The following SUCLG1 variants were observed in gnomAD, a reference collection of about 807,000 sequenced individuals.
SUCLG1 encodes succinate--CoA ligase [ADP/GDP-forming] subunit alpha, mitochondrial.
Under a neutral mutation model 37.3 loss-of-function variants are expected in SUCLG1, and 26 were observed. That is an observed-to-expected ratio of 0.70 (90% CI 0.51 to 0.97). SUCLG1 has a LOEUF of 0.97. Among genes scored for constraint, SUCLG1 ranks in the 50% least tolerant of loss-of-function variants. The probability of loss-of-function intolerance (pLI) is 0.00; values close to 1 mark genes in which losing one functional copy is unlikely to be tolerated. For missense variants in SUCLG1, 433 were observed against 432.9 expected, an observed-to-expected ratio of 1.00 and a Z score of 0.00; for synonymous variants, 163 against 155.6, an observed-to-expected ratio of 1.05 and a Z score of -0.36.
chr2:84,454,566 G>C (rs1488721800), intron 1 of SUCLG1, among the ~76,000 whole-genome samples: 1 of 152,180 alleles, frequency 6.6e-6, no homozygotes, highest in Non-Finnish European at 1.5e-5. Context: ...AACAAGACAG[G>C]CTCAGGCCCT....
rs1573374907 is a variant in SUCLG1 at position 84,449,721 on chromosome 2, G to A, written c.129C>T (p.Tyr43=). The A allele has an allele frequency of 1.3e-6, 2 of 1,555,352 alleles. No individual in the cohort carries two copies. Residue 43 remains tyrosine, a synonymous_variant, in exon 2 of 9, where the codon TAC becomes TAT. Transcript: ENST00000393868. The part of the protein sequence containing the change: ...LPQNGIRHCS[Y]TASRQHLYVD... ...CATAGAGATGTTGCCGAGAAGCTGT[G>A]TAGGAACAATGCCGAATTCCATTCT...
chr2:84,431,191 A>T (rs1228743318), intron 7 of SUCLG1, among the ~76,000 whole-genome samples: 1 of 152,208 alleles, frequency 6.6e-6, no homozygotes, highest in Non-Finnish European at 1.5e-5. Context: ...TACTGGTCAC[A>T]GGTGAAAACC....
chr2:84,440,660 G>A (rs71428682), intron 5 of SUCLG1, among the ~76,000 whole-genome samples: 16,316 of 152,112 alleles, frequency 0.11, 1,072 homozygotes, highest in Non-Finnish European at 0.14. Context: ...CAACCCAAAT[G>A]TTCATTAATG....
intron 2 of SUCLG1, among the ~76,000 whole-genome samples, chr2:84,445,769 T>C (rs1672839853): frequency 6.6e-6 from 1 of 152,250 alleles, no homozygotes; most frequent in Non-Finnish European, 1.5e-5. Flanking sequence ...TGACGGGTTA[T>C]TGCCCTTGCT....
intron 2 of SUCLG1, among the ~76,000 whole-genome samples, chr2:84,448,118 G>A (rs1326274182): frequency 6.8e-6 from 1 of 147,262 alleles, no homozygotes; most frequent in Non-Finnish European, 1.5e-5. Context: ...TAGAGGAATG[G>A]AAGAAGAAAA....
At chr2:84,448,539 AAAAAAT>A (rs1162252821) in intron 2 of SUCLG1, among the ~76,000 whole-genome samples, 8 of 150,402 alleles carry the variant, frequency 5.3e-5, no homozygotes, top group African/African-American at 1.9e-4. Context: ...AAAAAAAAAA[AAAAAAT>A]TGACTGCTTT....
At chr2:84,433,623 G>T (rs1035346987) in intron 5 of SUCLG1, 188 bp from the exon 6 acceptor site, 67 of 611,466 alleles carry the variant, frequency 1.1e-4, no homozygotes, top group South Asian at 5.8e-4. Flanking sequence ...AAGCAGGGGG[G>T]TTTTTTAATT....
chr2:84,430,148 C>T (rs747229922), intron 7 of SUCLG1, among the ~76,000 whole-genome samples: 1 of 152,172 alleles, frequency 6.6e-6, no homozygotes, highest in East Asian at 1.9e-4. Flanking sequence ...TGAATCAAGG[C>T]CACTGGTGAC....
At chr2:84,437,440 A>T (rs1433671497) in intron 5 of SUCLG1, among the ~76,000 whole-genome samples, 1 of 152,270 alleles carries the variant, frequency 6.6e-6, no homozygotes, top group African/African-American at 2.4e-5. Context: ...ATAAAAAGAT[A>T]ATCAATATCA....
chr2:84,443,386 G>C lies in SUCLG1; in HGVS notation c.216C>G (p.Ser72Arg). 1 of 1,614,100 alleles carries C rather than the reference G, an allele frequency of 6.2e-7. No individual in the cohort carries two copies. The highest frequency in any genetic ancestry group is 1.1e-5 in the South Asian group (1 of 91,084). The change falls in exon 3 of 9, where the codon AGC becomes AGG. Residue 72 changes from serine (S) to arginine (R), a missense_variant. Physicochemically the swap from Ser to Arg is moderately radical, Grantham distance 110. Coordinates refer to ENST00000393868, the MANE Select transcript of SUCLG1 (RefSeq NM_003849.4). ...GFTGKQGTFH[S>R]QQALEYGTKL... ...TGGTGCCATATTCCAATGCCTGCTG[G>C]CTGTGAAAGGTGCCCTGAGGGGAAA...
Position 84,441,043 on chromosome 2 carries a change from T to C in SUCLG1, c.589+4A>G, listed in dbSNP as rs1672763252. ...ATCTATAAGAATGTAACAAACAAAC[T>C]CACCAATCCTTCCTTTTTTGTGAAT... On this transcript the variant is annotated splice_donor_region_variant and intron_variant, in intron 5 of 8. Transcript: ENST00000393868. The C allele has an allele frequency of 6.2e-7, 1 of 1,613,692 alleles. No individual in the cohort carries two copies. The highest frequency in any genetic ancestry group is 8.5e-7 in the Non-Finnish European group (1 of 1,179,856).
At chr2:84,433,046 G>T (rs1672633174) in intron 6 of SUCLG1, among the ~76,000 whole-genome samples, 1 of 152,130 alleles carries the variant, frequency 6.6e-6, no homozygotes, top group Non-Finnish European at 1.5e-5. Flanking sequence ...GATAACAAAA[G>T]TCCTAATATA....
In SUCLG1 at chr2:84,452,018, G is replaced by A. The variant is rs371306183; in HGVS notation, c.98-2266C>T. On this transcript the variant is annotated intron_variant, in intron 1 of 8. Transcript: ENST00000393868. ...TCATCTGGTACTGAAATGTGAGTTCGTTCATTGATTCAATCAACATTTGAG... is the reference window on the plus strand; with the variant it reads ...TCATCTGGTACTGAAATGTGAGTTCATTCATTGATTCAATCAACATTTGAG... 1.3e-4 allele frequency among the ~76,000 whole-genome samples: 20 copies of A among 152,202 alleles called. 1 individual carries two copies. Among genetic ancestry groups the A allele is most frequent in the East Asian group, 1.2e-3 (6 of 5,178 alleles).
chr2:84,442,453 A>G (rs1672788567), intron 3 of SUCLG1, among the ~76,000 whole-genome samples: 1 of 152,220 alleles, frequency 6.6e-6, no homozygotes, highest in Non-Finnish European at 1.5e-5. Flanking sequence ...CCAAGAATTT[A>G]CACTATAGTT....
At position 84,443,293 on chromosome 2, in the gene SUCLG1, A is replaced by G. The variant is rs142284503; in HGVS notation, c.309T>C (p.Thr103=). The change falls in exon 3 of 9, where the codon ACT becomes ACC. Residue 103 remains threonine, a synonymous_variant. Transcript: ENST00000393868. ...AGGTACCACTAATTACCTCCTTCAC[A>G]GTATTAAAGACAGGTAAGCCCAGAT... ...QTHLGLPVFN[T]VKEAKEQTGA... is the part of the protein sequence containing the mutation. 6.2e-4 allele frequency: 994 copies of G among 1,613,988 alleles called. 5 individuals are homozygous for G. Among genetic ancestry groups the G allele is most frequent in the Non-Finnish European group, 3.7e-5 (44 of 1,179,836 alleles).
rs149765428 is a variant in SUCLG1 at position 84,447,922 on chromosome 2, G to A, written c.201+1727C>T. On this transcript the variant is annotated intron_variant, in intron 2 of 8. Transcript: ENST00000393868. ...TTTTTCTGTTTTTTTTGTAGAGATG[G>A]AATCCCACCATGTTGCCCAGGCTGG... 1.0e-3 allele frequency among the ~76,000 whole-genome samples: 156 copies of A among 152,040 alleles called. 1 individual carries two copies. The highest frequency in any genetic ancestry group is 9.3e-3 in the East Asian group (48 of 5,168).
intron 1 of SUCLG1, among the ~76,000 whole-genome samples, chr2:84,452,781 G>A (rs1474645460): frequency 6.6e-6 from 1 of 152,122 alleles, no homozygotes. Context: ...TGTCTCCTAT[G>A]GTATATGGTC....
intron 8 of SUCLG1, among the ~76,000 whole-genome samples, chr2:84,424,133 C>T (rs1672496323): frequency 6.6e-6 from 1 of 152,124 alleles, no homozygotes; most frequent in South Asian, 2.1e-4. Flanking sequence ...ATACATGAAC[C>T]CTTCTAAGAA....
intron 3 of SUCLG1, among the ~76,000 whole-genome samples, chr2:84,442,279 G>T (rs1208949835): frequency 6.6e-6 from 1 of 151,518 alleles, no homozygotes; most frequent in Admixed American, 6.6e-5. Context: ...AGCCATAATA[G>T]AATTTAAGGC....
Sources: allele counts gnomAD v4.1 joint callset (sites outside exome capture counted in the v4.1 genomes callset), GRCh38; gene constraint gnomAD v4.1.1; transcripts MANE v1.5; gene names NCBI Gene and HGNC (gene_info 2026-07-23, HGNC 2026-07-21).